Variants in PIK3C2G observed in about 807,000 individuals in gnomAD.
The protein encoded by PIK3C2G is phosphatidylinositol 3-kinase C2 domain-containing subunit gamma.
Under a neutral mutation model 181.1 loss-of-function variants are expected in PIK3C2G, and 168 were observed. The ratio of observed to expected loss-of-function variants is 0.93; its 90% CI spans 0.82 to 1.05. The LOEUF (loss-of-function observed/expected upper bound fraction) is 1.05, where lower values mean the gene tolerates loss of function less well. PIK3C2G is among the 50% of genes least tolerant of loss of function. The pLI is 0.00. For synonymous variants in PIK3C2G, 573 were observed against 592.2 expected (o/e 0.97, Z 0.47); for missense variants, 1,869 against 1,732.8 (o/e 1.08, Z -1.40).
rs562159577 is a variant in PIK3C2G at position 18,350,532 on chromosome 12, C to T, written c.1625+3696C>T. 3.9e-3 allele frequency among the ~76,000 whole-genome samples: 598 copies of T among 152,180 alleles called. 1 individual carries two copies. The highest frequency in any genetic ancestry group is 0.014 in the African/African-American group (561 of 41,528). ...CGATGCCCTTTTTATGGGGAAGATT[C>T]GAATGGCATATAGAGGTTTCTTGTC... On this transcript the variant is annotated intron_variant, in intron 11 of 32. Transcript: ENST00000538779.
intron 5 of PIK3C2G, among the ~76,000 whole-genome samples, chr12:18,299,694 T>G (rs1223053631): frequency 6.6e-6 from 1 of 151,976 alleles, no homozygotes; most frequent in Non-Finnish European, 1.5e-5. Context: ...TATTATTATG[T>G]TGAGGTATGT....
chr12:18,491,675 G>A (rs1031714951), intron 20 of PIK3C2G, 117 bp downstream of exon 20: 11 of 587,378 alleles, frequency 1.9e-5, no homozygotes, highest in East Asian at 1.3e-4. Flanking sequence ...TTATTTTAAC[G>A]AAAAAGTAAC....
the PIK3C2G span, chr12:18,714,618 T>C: frequency 6.6e-6 from 1 of 152,142 alleles, no homozygotes; most frequent in South Asian, 2.1e-4. Context: ...TACATAGAGA[T>C]ATTTTTCCAT....
chr12:18,589,793 T>G (rs982239587), intron 29 of PIK3C2G, among the ~76,000 whole-genome samples: 5 of 152,012 alleles, frequency 3.3e-5, no homozygotes, highest in Non-Finnish European at 5.9e-5. Flanking sequence ...TGTCTTTTCT[T>G]TTTTCCACAA....
the PIK3C2G span, among the ~76,000 whole-genome samples, chr12:18,697,918 C>G: frequency 6.6e-6 from 1 of 151,906 alleles, no homozygotes; most frequent in African/African-American, 2.4e-5. Context: ...TGCTCTATGC[C>G]CCTTCAAAGA....
At chr12:18,699,830 C>G in the PIK3C2G span, 1 of 1,613,356 alleles carries the variant, frequency 6.2e-7, no homozygotes, top group South Asian at 1.1e-5. Context: ...TGTGTCTCCC[C>G]AATAGAATTA....
At chr12:18,302,071 A>C (rs145265892) in intron 5 of PIK3C2G, among the ~76,000 whole-genome samples, 1 of 152,280 alleles carries the variant, frequency 6.6e-6, no homozygotes, top group Non-Finnish European at 1.5e-5. Flanking sequence ...TACTGGGTGA[A>C]TTAAACCTCA....
chr12:18,663,474 A>C, the PIK3C2G span, among the ~76,000 whole-genome samples: 1 of 152,154 alleles, frequency 6.6e-6, no homozygotes, highest in East Asian at 1.9e-4. Context: ...TGCATAGGTT[A>C]TATGCAAATA....
chr12:18,712,727 A>G, the PIK3C2G span: 1 of 1,302,202 alleles, frequency 7.7e-7, no homozygotes, highest in East Asian at 2.4e-5. Context: ...ATGGATCATA[A>G]CCCACAATTT....
intron 10 of PIK3C2G, among the ~76,000 whole-genome samples, chr12:18,344,596 T>C (rs1395072657): frequency 6.6e-6 from 1 of 152,096 alleles, no homozygotes; most frequent in Non-Finnish European, 1.5e-5. Flanking sequence ...AATGTTGTAA[T>C]GAGGTCTCCT....
chr12:18,698,896 C>T, the PIK3C2G span, among the ~76,000 whole-genome samples: 1 of 152,140 alleles, frequency 6.6e-6, no homozygotes, highest in African/African-American at 2.4e-5. Flanking sequence ...GTTTTGTATC[C>T]ATTATTGTCC....
intron 18 of PIK3C2G, among the ~76,000 whole-genome samples, chr12:18,468,490 T>G (rs1244772469): frequency 6.6e-6 from 1 of 152,124 alleles, no homozygotes; most frequent in Non-Finnish European, 1.5e-5. Context: ...TCAGATACTT[T>G]AAATGCTTAA....
At position 18,411,050 on chromosome 12, in the gene PIK3C2G, C is replaced by G. The variant is rs191559214; in HGVS notation, c.2316-9891C>G. ...CTCTGTATGGCTTCCATGTCTCCTT[C>G]GGTCTGAGATTCATTATTATTCCTG... On this transcript the variant is annotated intron_variant, in intron 16 of 32. Transcript: ENST00000538779. Among the ~76,000 whole-genome samples the G allele has an allele frequency of 9.3e-3, 1,414 of 152,196 alleles. 14 individuals carry two copies. The highest frequency in any genetic ancestry group is 0.027 in the African/African-American group (1,118 of 41,522).
chr12:18,249,931 A>T (rs867478535), intron 1 of PIK3C2G, among the ~76,000 whole-genome samples: 507 of 21,436 alleles, frequency 0.024, 1 homozygote, highest in East Asian at 0.033. Context: ...TTCCTTTTTA[A>T]AAAAAAAAAG....
intron 31 of PIK3C2G, among the ~76,000 whole-genome samples, chr12:18,612,661 A>G (rs1948403403): frequency 6.6e-6 from 1 of 152,038 alleles, no homozygotes; most frequent in South Asian, 2.1e-4. Flanking sequence ...TTCTCAACAT[A>G]TTTTATTTGC....
At chr12:18,526,595 T>A (rs1278766356) in intron 24 of PIK3C2G, among the ~76,000 whole-genome samples, 3 of 152,346 alleles carry the variant, frequency 2.0e-5, no homozygotes, top group African/African-American at 7.2e-5. Context: ...CTATATTCTG[T>A]AACCCTAGCT....
intron 14 of PIK3C2G, among the ~76,000 whole-genome samples, chr12:18,386,665 C>T (rs1448762365): frequency 6.6e-6 from 1 of 152,066 alleles, no homozygotes; most frequent in Non-Finnish European, 1.5e-5. Flanking sequence ...AATAATATTA[C>T]ATTATTGTAA....
intron 16 of PIK3C2G, among the ~76,000 whole-genome samples, chr12:18,403,622 T>C (rs1394143102): frequency 6.6e-6 from 1 of 152,204 alleles, no homozygotes; most frequent in Non-Finnish European, 1.5e-5. Flanking sequence ...GGGGAGTTTT[T>C]AATATTGCTA....
chr12:18,669,805 G>C, the PIK3C2G span, among the ~76,000 whole-genome samples: 1 of 152,054 alleles, frequency 6.6e-6, no homozygotes, highest in East Asian at 1.9e-4. Flanking sequence ...TTACAGGCGT[G>C]TGCCACCATG....
Sources: allele counts gnomAD v4.1 joint callset (sites outside exome capture counted in the v4.1 genomes callset), GRCh38; gene constraint gnomAD v4.1.1; transcripts MANE v1.5; gene names NCBI Gene and HGNC (gene_info 2026-07-23, HGNC 2026-07-21).